Variants in MFN1 observed in about 807,000 individuals in gnomAD.
MFN1 encodes the protein mitofusin 1, also known as mitofusin-1.
Under a neutral mutation model 92.4 loss-of-function variants are expected in MFN1, and 65 were observed. The observed-to-expected ratio is 0.70, with a 90% CI of 0.58 to 0.86. The LOEUF is 0.86. MFN1 is among the 40% of genes least tolerant of loss of function. The probability of loss-of-function intolerance (pLI) is 0.00; values close to 1 mark genes in which losing one functional copy is unlikely to be tolerated. For missense variants in MFN1, 781 were observed against 868.0 expected, an observed-to-expected ratio of 0.90 and a Z score of 1.26; for synonymous variants, 297 against 300.9, an observed-to-expected ratio of 0.99 and a Z score of 0.13.
At chr3:179,352,435 A>G (rs549358451) in intron 3 of MFN1, among the ~76,000 whole-genome samples, 1 of 152,164 alleles carries the variant, frequency 6.6e-6, no homozygotes. Context: ...TGTCTGAGAT[A>G]ACTATTTCCA....
rs1280717360 is a variant in MFN1, at chr3:179,385,576, G to A, written c.1670G>A (p.Arg557Lys). Reference sequence around the variant, plus strand: ...TCTCTTTTTTTTTGGCAGCTCCCTAGATCTTTAGCTTCTACTCCCACTGCT... The same window carrying A: ...TCTCTTTTTTTTTGGCAGCTCCCTAAATCTTTAGCTTCTACTCCCACTGCT... ...GLSEPIFQLP[R>K]SLASTPTAPT... is the part of the protein sequence containing the mutation. Residue 557 changes from arginine to lysine, a missense_variant, in exon 15 of 18, where the codon AGA becomes AAA. Coordinates refer to ENST00000471841, the MANE Select transcript of MFN1 (RefSeq NM_033540.3). 6.3e-7 allele frequency: 1 copy of A among 1,591,196 alleles called. No individual in the cohort carries two copies. Among genetic ancestry groups the A allele is most frequent in the East Asian group, 2.3e-5 (1 of 44,218 alleles).
In MFN1 at chr3:179,394,905, A is replaced by G. The variant is rs1714044924; in HGVS notation, c.*2846A>G. On this transcript the variant is annotated 3_prime_UTR_variant, in exon 18 of 18. Coordinates refer to ENST00000471841, the MANE Select transcript of MFN1 (RefSeq NM_033540.3). ...TTTTTTCAGTATGCAAGCTTGCAAG[A>G]TGAAAATAAAACCTGTTTGCCTGAT... The G allele has an allele frequency of 6.6e-6, 1 of 152,360 alleles. No homozygotes were observed. Among genetic ancestry groups the G allele is most frequent in the South Asian group, 2.1e-4 (1 of 4,826 alleles). 9.4% of individuals were successfully genotyped at this position (152,360 alleles called of 1,614,324 possible). A position where few individuals can be genotyped will look rare whatever the true frequency, so the allele number is the denominator to read the frequency against.
At chr3:179,348,735 C>T in intron 1 of MFN1, 110 bp from the exon 2 acceptor site, 2 of 1,465,232 alleles carry the variant, frequency 1.4e-6, no homozygotes, top group Non-Finnish European at 1.8e-6. Context: ...AAACATTTTG[C>T]CAGCATAATT....
At chr3:179,372,895 CA>C (rs1404607585) in intron 9 of MFN1, among the ~76,000 whole-genome samples, 2 of 152,060 alleles carry the variant, frequency 1.3e-5, no homozygotes, top group Non-Finnish European at 2.9e-5. Context: ...AAAATAAAGT[CA>C]ATGCATTATT....
At chr3:179,362,819 A>G (rs912883737) in intron 5 of MFN1, among the ~76,000 whole-genome samples, 1 of 152,152 alleles carries the variant, frequency 6.6e-6, no homozygotes, top group Non-Finnish European at 1.5e-5. Flanking sequence ...GATTACAGAC[A>G]CACACCAGCC....
At chr3:179,350,643 A>G (rs191695562) in intron 2 of MFN1, among the ~76,000 whole-genome samples, 49 of 152,364 alleles carry the variant, frequency 3.2e-4, no homozygotes, top group African/African-American at 1.1e-3. Flanking sequence ...CAAGAAAAAC[A>G]TACAAGAGCA....
Position 179,367,454 on chromosome 3 carries a change from A to C in MFN1, c.769A>C (p.Met257Leu), listed in dbSNP as rs756974321. Reference protein sequence around the residue: ...EYMEDVRRQHMERCLHFLVEE... With the variant: ...EYMEDVRRQHLERCLHFLVEE... ...TTCTCTGTAGGTACGCAGACAGCAC[A>C]TGGAAAGATGCCTGCATTTCTTGGT... The change falls in exon 8 of 18, where the codon ATG becomes CTG. Residue 257 changes from methionine to leucine, a missense_variant. By Grantham distance (15) the Met-to-Leu change is conservative (BLOSUM62 2). Coordinates refer to ENST00000471841, the MANE Select transcript of MFN1 (RefSeq NM_033540.3). 3.2e-5 allele frequency: 52 copies of C among 1,611,838 alleles called. No homozygotes were observed. The highest frequency in any genetic ancestry group is 1.5e-4 in the Admixed American group (9 of 59,318).
intron 7 of MFN1, 36 bp from the exon 8 acceptor site, chr3:179,367,403 A>C (rs750352930): frequency 6.4e-7 from 1 of 1,568,070 alleles, no homozygotes; most frequent in Non-Finnish European, 8.6e-7. Context: ...ATTTGTTTAA[A>C]TTATTAGAAT....
chr3:179,370,030 ATAT>A (rs1296416639), intron 9 of MFN1, among the ~76,000 whole-genome samples: 2 of 152,200 alleles, frequency 1.3e-5, no homozygotes, highest in Non-Finnish European at 2.9e-5. Context: ...TGGGCAAAAA[ATAT>A]TATGTCTGAA....
Position 179,368,219 on chromosome 3 carries a change from A to T in MFN1, c.975+116A>T, listed in dbSNP as rs111700881. On this transcript the variant is annotated intron_variant, in intron 9 of 17. Transcript: ENST00000471841. ...AATAACTTTTGCTGTTATTTAGTTT[A>T]GTTACTGACACAGCCAGTAAAATGT... 2.5e-5 allele frequency: 16 copies of T among 630,426 alleles called. No homozygotes were observed. The African/African-American group carries it at 2.9e-4, about 11-fold the overall frequency. The allele number at this position is 630,426 out of a possible 1,614,324, so 39.1% of individuals were successfully genotyped here.
chr3:179,378,084 C>T (rs1713314361), intron 12 of MFN1: 1 of 381,556 alleles, frequency 2.6e-6, no homozygotes, highest in South Asian at 3.8e-5. Flanking sequence ...AATAGCCAAG[C>T]ATGGCGACAC....
At chr3:179,385,437 T>C (rs1460819321) in intron 14 of MFN1, 132 bp from the exon 15 acceptor site, 2 of 650,902 alleles carry the variant, frequency 3.1e-6, no homozygotes, top group East Asian at 2.9e-5. Context: ...TTTCTACATA[T>C]ATTTGTGGTG....
chr3:179,390,357 T>C (rs1418103758), intron 17 of MFN1, among the ~76,000 whole-genome samples: 1 of 152,170 alleles, frequency 6.6e-6, no homozygotes, highest in East Asian at 1.9e-4. Context: ...CACTGAAGGC[T>C]AATTGCAACA....
At chr3:179,351,765 CT>C in intron 2 of MFN1, 134 bp from the exon 3 acceptor site, 1 of 776,842 alleles carries the variant, frequency 1.3e-6, no homozygotes, top group Non-Finnish European at 1.9e-6. Context: ...GAGTATGCAC[CT>C]TTTACCAAAC....
intron 3 of MFN1, among the ~76,000 whole-genome samples, chr3:179,356,677 G>A (rs1712355978): frequency 6.6e-6 from 1 of 152,100 alleles, no homozygotes; most frequent in Non-Finnish European, 1.5e-5. Flanking sequence ...GTGACAGTGT[G>A]TCTCACTTTA....
At chr3:179,372,043 TTA>T (rs1156861007) in intron 9 of MFN1, among the ~76,000 whole-genome samples, 3 of 147,042 alleles carry the variant, frequency 2.0e-5, no homozygotes, top group Non-Finnish European at 4.5e-5. Flanking sequence ...ATTATATATA[TTA>T]TATATATTTA....
chr3:179,352,561 T>C (rs1174925293), intron 3 of MFN1, among the ~76,000 whole-genome samples: 1 of 152,218 alleles, frequency 6.6e-6, no homozygotes, highest in Non-Finnish European at 1.5e-5. Flanking sequence ...TGCCCAGTAA[T>C]GGCATCTCCG....
chr3:179,391,405 T>G (rs186457497), intron 17 of MFN1, among the ~76,000 whole-genome samples: 6 of 152,268 alleles, frequency 3.9e-5, no homozygotes, highest in African/African-American at 1.2e-4. Context: ...TTTACTAGAT[T>G]AGGCTCAGCC....
Position 179,377,539 on chromosome 3 carries a change from A to G in MFN1, c.1329+91A>G, listed in dbSNP as rs376898563. 5 of 751,588 alleles carry G rather than the reference A, an allele frequency of 6.7e-6. No individual in the cohort carries two copies. The East Asian group carries it at 8.2e-5, about 12-fold the overall frequency. The allele number at this position is 751,588 out of a possible 1,614,324, so 46.6% of individuals were successfully genotyped here. A position where few individuals can be genotyped will look rare whatever the true frequency, so the allele number is the denominator to read the frequency against. On this transcript the variant is annotated intron_variant, in intron 12 of 17. Coordinates refer to ENST00000471841, the MANE Select transcript of MFN1 (RefSeq NM_033540.3). ...TCATGGTTTGGCATTTCAGTGTATC[A>G]GTACAAAATGAAACTGTTAGATCTC... is the stretch of plus-strand genomic sequence containing the variant.
Sources: gnomAD v4.1 joint callset for allele counts (sites outside exome capture counted in the v4.1 genomes callset) on GRCh38, gnomAD v4.1.1 for gene constraint, MANE v1.5 for transcripts, NCBI Gene and HGNC (gene_info 2026-07-23, HGNC 2026-07-21) for gene names.